The following MEGF10 variants were observed in gnomAD, a reference collection of about 807,000 sequenced individuals.
The protein encoded by MEGF10 is multiple EGF like domains 10, also known as multiple epidermal growth factor-like domains protein 10.
A neutral mutation model predicts 147.5 loss-of-function variants in MEGF10; 86 were observed. The ratio of observed to expected loss-of-function variants is 0.58; its 90% CI spans 0.49 to 0.70. MEGF10 has a LOEUF of 0.70. MEGF10 is among the 30% of genes least tolerant of loss of function. The pLI is 0.00. For missense variants in MEGF10, 1,329 were observed against 1,487.3 expected (o/e 0.89, Z 1.75); for synonymous variants, 478 against 525.5 (o/e 0.91, Z 1.24).
chr5:127,416,052 G>A (rs778612979), intron 9 of MEGF10, among the ~76,000 whole-genome samples: 4 of 142,830 alleles, frequency 2.8e-5, no homozygotes, highest in East Asian at 2.0e-4. Context: ...TTTTTGAGAC[G>A]GAGTCTCGCT....
the MEGF10 span, among the ~76,000 whole-genome samples, chr5:127,270,774 T>G: frequency 1.3e-5 from 2 of 152,156 alleles, no homozygotes; most frequent in Non-Finnish European, 2.9e-5. Context: ...CATGTGCCCA[T>G]GTGTTTTCAT....
the MEGF10 span, among the ~76,000 whole-genome samples, chr5:127,281,630 G>A: frequency 6.6e-6 from 1 of 152,108 alleles, no homozygotes; most frequent in African/African-American, 2.4e-5. Context: ...GGAGTGTTGG[G>A]GTCTTGGAGC....
At chr5:127,387,585 G>T (rs529363557) in intron 5 of MEGF10, among the ~76,000 whole-genome samples, 1 of 152,148 alleles carries the variant, frequency 6.6e-6, no homozygotes, top group African/African-American at 2.4e-5. Flanking sequence ...ACTTCTTTGG[G>T]GTGTTCAGCG....
chr5:127,402,492 T>A lies in MEGF10; in HGVS notation c.781-54T>A, dbSNP rs568678424. The A allele has an allele frequency of 1.4e-5, 22 of 1,578,366 alleles. No homozygotes were observed. In the African/African-American group the frequency reaches 2.6e-4, roughly 18 times the overall value. ...CTCTCTTTTCTTCTTCATCCATCAGTTGTCTTTCCCTGGCTGGAGGCCCAT... is the reference window on the plus strand; with the variant it reads ...CTCTCTTTTCTTCTTCATCCATCAGATGTCTTTCCCTGGCTGGAGGCCCAT... On this transcript the variant is annotated intron_variant, in intron 7 of 24. Coordinates refer to ENST00000503335, the MANE Select transcript of MEGF10 (RefSeq NM_001256545.2).
the MEGF10 span, among the ~76,000 whole-genome samples, chr5:127,272,725 AG>A: frequency 6.6e-6 from 1 of 152,092 alleles, no homozygotes; most frequent in African/African-American, 2.4e-5. Context: ...TTTGGCTCTC[AG>A]CTTGCCTGTT....
chr5:127,267,640 T>C, the MEGF10 span, among the ~76,000 whole-genome samples: 1 of 152,204 alleles, frequency 6.6e-6, no homozygotes, highest in Admixed American at 6.5e-5. Flanking sequence ...TTATTCCTGG[T>C]TTAATCTTGG....
intron 4 of MEGF10, among the ~76,000 whole-genome samples, chr5:127,344,925 A>T (rs2126808809): frequency 6.6e-6 from 1 of 152,260 alleles, no homozygotes; most frequent in East Asian, 1.9e-4. Context: ...AACTTTTGGG[A>T]AATTTAGCAA....
the MEGF10 span, among the ~76,000 whole-genome samples, chr5:127,274,065 C>T: frequency 6.6e-6 from 1 of 152,024 alleles, no homozygotes; most frequent in Non-Finnish European, 1.5e-5. Flanking sequence ...ATTCTTTTTT[C>T]AGAATGAAAT....
At chr5:127,337,613 C>T (rs1470200333) in intron 2 of MEGF10, among the ~76,000 whole-genome samples, 1 of 152,036 alleles carries the variant, frequency 6.6e-6, no homozygotes, top group African/African-American at 2.4e-5. Context: ...AGCATGCAGG[C>T]ATTTGCACAC....
At chr5:127,352,843 T>A (rs539001444) in intron 4 of MEGF10, among the ~76,000 whole-genome samples, 1 of 152,296 alleles carries the variant, frequency 6.6e-6, no homozygotes, top group African/African-American at 2.4e-5. Flanking sequence ...TGGGGGCTGA[T>A]AAAGAAGACA....
intron 4 of MEGF10, among the ~76,000 whole-genome samples, chr5:127,364,089 A>G (rs1260660362): frequency 2.6e-5 from 4 of 152,234 alleles, no homozygotes; most frequent in Non-Finnish European, 5.9e-5. Context: ...CTGCTTCCAC[A>G]GTCCCCACAG....
intron 22 of MEGF10, among the ~76,000 whole-genome samples, chr5:127,449,435 G>A (rs997865925): frequency 1.6e-4 from 25 of 152,274 alleles, no homozygotes; most frequent in Admixed American, 1.6e-3. Flanking sequence ...TATGTGCCAG[G>A]AATTGATCAA....
At chr5:127,274,391 T>A in the MEGF10 span, among the ~76,000 whole-genome samples, 4 of 152,294 alleles carry the variant, frequency 2.6e-5, no homozygotes, top group Admixed American at 6.5e-5. Context: ...TTGCTAGGTG[T>A]GATAAAGGTA....
intron 18 of MEGF10, among the ~76,000 whole-genome samples, chr5:127,442,743 A>G (rs1160483838): frequency 6.6e-6 from 1 of 152,186 alleles, no homozygotes; most frequent in Non-Finnish European, 1.5e-5. Flanking sequence ...CATAGAGGTA[A>G]GTATGTAGCA....
At chr5:127,449,592 G>A (rs1425768802) in intron 22 of MEGF10, among the ~76,000 whole-genome samples, 2 of 152,184 alleles carry the variant, frequency 1.3e-5, no homozygotes, top group African/African-American at 4.8e-5. Context: ...ACAAGGTTAT[G>A]TTACTTGCAC....
chr5:127,302,856 G>A (rs574310228), intron 1 of MEGF10, among the ~76,000 whole-genome samples: 72 of 152,268 alleles, frequency 4.7e-4, no homozygotes, highest in African/African-American at 1.7e-3. Context: ...AGAGATCATC[G>A]GATTTGGTGA....
intron 4 of MEGF10, among the ~76,000 whole-genome samples, chr5:127,366,912 T>C (rs1468629599): frequency 1.3e-5 from 2 of 152,202 alleles, no homozygotes; most frequent in African/African-American, 2.4e-5. Flanking sequence ...AAAAAACCAA[T>C]GGATTGGGAT....
chr5:127,351,029 G>T (rs1271387786), intron 4 of MEGF10, among the ~76,000 whole-genome samples: 1 of 151,932 alleles, frequency 6.6e-6, no homozygotes, highest in South Asian at 2.1e-4. Context: ...GGGAAAATGG[G>T]GATGGTTAAT....
rs1425270805 is a variant in MEGF10 at position 127,458,524 on chromosome 5, C to G, written c.*1206C>G. ...GAAAAAATATTATATGTTCGTTATT[C>G]CTTGTATTATTGCCACTTATCTTTT... On this transcript the variant is annotated 3_prime_UTR_variant, in exon 25 of 25. Coordinates refer to ENST00000503335, the MANE Select transcript of MEGF10 (RefSeq NM_001256545.2). The G allele has an allele frequency of 6.6e-6, 1 of 151,896 alleles. No individual in the cohort carries two copies. The highest frequency in any genetic ancestry group is 2.4e-5 in the African/African-American group (1 of 41,350). The allele number at this position is 151,896 out of a possible 1,614,324, so 9.4% of individuals were successfully genotyped here. A position where few individuals can be genotyped will look rare whatever the true frequency, so the allele number is the denominator to read the frequency against.
Sources: allele counts gnomAD v4.1 joint callset (sites outside exome capture counted in the v4.1 genomes callset), GRCh38; gene constraint gnomAD v4.1.1; transcripts MANE v1.5; gene names NCBI Gene and HGNC (gene_info 2026-07-23, HGNC 2026-07-21).